The following NWD2 variants were observed in gnomAD, a reference collection of about 807,000 sequenced individuals.
NWD2 encodes NACHT and WD repeat domain containing 2, also known as NACHT and WD repeat domain-containing protein 2.
NWD2 carries 37 observed loss-of-function variants against 132.7 expected under a neutral mutation model. The ratio of observed to expected loss-of-function variants is 0.28; its 90% CI spans 0.21 to 0.37. The LOEUF is 0.37. Ranked by LOEUF, NWD2 falls within the 10% of genes least tolerant of loss-of-function variation. The pLI, the probability that NWD2 is intolerant of heterozygous loss-of-function variation, is 1.00. For synonymous variants in NWD2, 705 were observed against 803.0 expected, an observed-to-expected ratio of 0.88 and a Z score of 2.06; for missense variants, 1,592 against 2,122.4, an observed-to-expected ratio of 0.75 and a Z score of 4.91.
intron 1 of NWD2, among the ~76,000 whole-genome samples, chr4:37,325,346 G>T (rs56287150): frequency 0.012 from 1,759 of 152,190 alleles, 33 homozygotes; most frequent in African/African-American, 0.041. Flanking sequence ...AGCCCGGGGT[G>T]GGGAGGCATT....
At chr4:37,384,955 T>G (rs1244316043) in intron 3 of NWD2, among the ~76,000 whole-genome samples, 3 of 152,202 alleles carry the variant, frequency 2.0e-5, no homozygotes, top group African/African-American at 7.2e-5. Context: ...CAATGGTAAT[T>G]AGCACACGTT....
intron 3 of NWD2, among the ~76,000 whole-genome samples, chr4:37,365,072 C>T (rs189277995): frequency 1.3e-5 from 2 of 152,312 alleles, no homozygotes; most frequent in Non-Finnish European, 2.9e-5. Flanking sequence ...TTCTCACCTT[C>T]TCATCACTCT....
intron 1 of NWD2, among the ~76,000 whole-genome samples, chr4:37,279,323 A>T (rs933800143): frequency 6.6e-6 from 1 of 152,204 alleles, no homozygotes; most frequent in Non-Finnish European, 1.5e-5. Flanking sequence ...AAAAAGTATT[A>T]CGTAACAGTA....
At chr4:37,415,702 T>TAAAAAAA (rs10684720) in intron 3 of NWD2, among the ~76,000 whole-genome samples, 6 of 118,398 alleles carry the variant, frequency 5.1e-5, no homozygotes, top group South Asian at 2.8e-4. Context: ...AGACTCCGTC[T>TAAAAAAA]AAAAAAAAAA....
intron 4 of NWD2, among the ~76,000 whole-genome samples, chr4:37,431,563 A>G (rs1359634713): frequency 3.9e-5 from 6 of 152,196 alleles, no homozygotes; most frequent in Non-Finnish European, 7.3e-5. Flanking sequence ...ACAAACTTTC[A>G]TGGTGTCTAT....
rs148066857 is a variant in NWD2, at chr4:37,299,812, C to T, written c.152-26124C>T. 2.0e-5 allele frequency among the ~76,000 whole-genome samples: 3 copies of T among 152,174 alleles called. No individual in the cohort carries two copies. The East Asian group carries it at 5.8e-4, about 29-fold the overall frequency. ...GTAAACTGAAATGTATGATGAATTG[C>T]TTTTGTTCTGTATGTTCTTCTGTAT... On this transcript the variant is annotated intron_variant, in intron 1 of 6. Transcript: ENST00000309447.
chr4:37,399,259 A>T (rs1269989718), intron 3 of NWD2, among the ~76,000 whole-genome samples: 1 of 152,156 alleles, frequency 6.6e-6, no homozygotes, highest in Non-Finnish European at 1.5e-5. Flanking sequence ...TTTTCATTTC[A>T]TGGGTGGCTG....
chr4:37,337,034 G>A (rs1238874435), intron 2 of NWD2, among the ~76,000 whole-genome samples: 1 of 150,160 alleles, frequency 6.7e-6, no homozygotes, highest in Non-Finnish European at 1.5e-5. Flanking sequence ...TTTGGGCATT[G>A]TGTTAATAGG....
chr4:37,287,662 G>A (rs972006945), intron 1 of NWD2, among the ~76,000 whole-genome samples: 4 of 152,178 alleles, frequency 2.6e-5, no homozygotes, highest in East Asian at 1.9e-4. Context: ...GAGCCCCTAG[G>A]GGGAGGGGTG....
In NWD2 at chr4:37,354,669, A is replaced by G. The variant is rs76907594; in HGVS notation, c.241-1697A>G. ...AGCATGTGAAGGGGATTCTGCTTCC[A>G]CTGAGGGAGACACTTCCTCAGCATT... is the stretch of plus-strand genomic sequence containing the variant. On this transcript the variant is annotated intron_variant, in intron 2 of 6. Transcript: ENST00000309447. Among the ~76,000 whole-genome samples the G allele has an allele frequency of 4.2e-3, 641 of 152,228 alleles. 3 individuals are homozygous for G. Among genetic ancestry groups the G allele is most frequent in the Middle Eastern group, 0.031 (9 of 294 alleles).
In NWD2 at chr4:37,445,859, T is replaced by A. The variant is rs1577705326; in HGVS notation, c.3871T>A (p.Ser1291Thr). 6.4e-7 allele frequency: 1 copy of A among 1,552,040 alleles called. No individual in the cohort carries two copies. Among genetic ancestry groups the A allele is most frequent in the African/African-American group, 1.4e-5 (1 of 73,154 alleles). Residue 1291 changes from serine to threonine, a missense_variant, in exon 7 of 7, where the codon TCT becomes ACT. Around this residue, in one of 7 missense-constraint regions of NWD2, gnomAD observed 1,071 missense variants for 1,398.0 expected, o/e 0.77. Transcript: ENST00000309447. The surrounding 1 kb of genome is among the most constrained non-coding windows in gnomAD (Gnocchi z 4.7). ...ATCCAGTCACCACAATATGCTACTG[T>A]CTTTATCAACCAGTGGTGTTCTTTC... ...VKSSHHNMLL[S>T]LSTSGVLSIW...
At chr4:37,342,177 A>G (rs1163180285) in intron 2 of NWD2, among the ~76,000 whole-genome samples, 2 of 152,138 alleles carry the variant, frequency 1.3e-5, no homozygotes, top group African/African-American at 4.8e-5. Context: ...CTTGAACGGC[A>G]TTGATGCCCT....
chr4:37,317,206 C>T (rs1718975173), intron 1 of NWD2, among the ~76,000 whole-genome samples: 1 of 152,150 alleles, frequency 6.6e-6, no homozygotes, highest in African/African-American at 2.4e-5. Flanking sequence ...CTCCACCAGG[C>T]CTTTTCTTGT....
chr4:37,350,680 T>C (rs957653153), intron 2 of NWD2, among the ~76,000 whole-genome samples: 1 of 152,184 alleles, frequency 6.6e-6, no homozygotes, highest in African/African-American at 2.4e-5. Context: ...TTTATTGCCT[T>C]CTTTTGCCTG....
At chr4:37,308,566 G>C (rs1330552540) in intron 1 of NWD2, among the ~76,000 whole-genome samples, 1 of 152,164 alleles carries the variant, frequency 6.6e-6, no homozygotes, top group African/African-American at 2.4e-5. Flanking sequence ...TCCCTGGGGA[G>C]CATGCACAGG....
intron 2 of NWD2, among the ~76,000 whole-genome samples, chr4:37,328,367 C>A (rs1015534091): frequency 3.9e-5 from 6 of 152,068 alleles, no homozygotes; most frequent in Non-Finnish European, 7.4e-5. Flanking sequence ...TCTACATTAG[C>A]TATTTCTCCT....
rs138287701 is a variant in NWD2 at position 37,397,346 on chromosome 4, T to C, written c.358-33226T>C. Among the ~76,000 whole-genome samples the C allele has an allele frequency of 7.2e-3, 1,091 of 152,324 alleles. 10 individuals carry two copies. The highest frequency in any genetic ancestry group is 0.019 in the South Asian group (92 of 4,824). On this transcript the variant is annotated intron_variant, in intron 3 of 6. Coordinates refer to ENST00000309447, the MANE Select transcript of NWD2 (RefSeq NM_001144990.2). ...TTGGTCAAATACCAGTCTGTATTTTTCTGTGAAAGTACTTTTTTAGATGAG... is the reference window on the plus strand; with the variant it reads ...TTGGTCAAATACCAGTCTGTATTTTCCTGTGAAAGTACTTTTTTAGATGAG...
chr4:37,248,683 T>G (rs2109253863), intron 1 of NWD2, among the ~76,000 whole-genome samples: 1 of 152,358 alleles, frequency 6.6e-6, no homozygotes, highest in East Asian at 1.9e-4. Flanking sequence ...CATATGGAGA[T>G]GAAAGGAACC....
At chr4:37,263,981 C>T (rs1717700557) in intron 1 of NWD2, among the ~76,000 whole-genome samples, 1 of 152,074 alleles carries the variant, frequency 6.6e-6, no homozygotes, top group South Asian at 2.1e-4. Flanking sequence ...TTAAAGAGAG[C>T]ACTGGGATAG....
Sources: allele counts gnomAD v4.1 joint callset (sites outside exome capture counted in the v4.1 genomes callset), GRCh38; gene constraint gnomAD v4.1.1; regional missense constraint gnomAD v4.1.1; non-coding constraint Gnocchi (gnomAD v3.1); transcripts MANE v1.5; gene names NCBI Gene and HGNC (gene_info 2026-07-23, HGNC 2026-07-21).